Variants in SLC45A1 observed in about 807,000 individuals in gnomAD.
The protein encoded by SLC45A1 is solute carrier family 45 member 1.
Under a neutral mutation model 57.6 loss-of-function variants are expected in SLC45A1, and 28 were observed. That is an observed-to-expected ratio of 0.49 (90% CI 0.36 to 0.67). The LOEUF (loss-of-function observed/expected upper bound fraction) is 0.67. SLC45A1 is among the 30% of genes least tolerant of loss of function. SLC45A1 has a pLI of 0.00. For missense variants in SLC45A1, 814 were observed against 1,041.5 expected (o/e 0.78, Z 3.01); for synonymous variants, 459 against 471.5 (o/e 0.97, Z 0.34).
chr1:8,330,346 C>T lies in SLC45A1; in HGVS notation c.853C>T (p.Leu285=). ...VTLSVTTVLT[L]VSIPERPLRP... ...CCTGAGCGTCACCACCGTCCTGACCCTGGTCAGCATCCCTGAGAGGCCGCT... is the reference window on the plus strand; with the variant it reads ...CCTGAGCGTCACCACCGTCCTGACCTTGGTCAGCATCCCTGAGAGGCCGCT... Residue 285 remains leucine (L), a synonymous_variant, in exon 5 of 9, where the codon CTG becomes TTG. Coordinates refer to ENST00000471889, the MANE Select transcript of SLC45A1 (RefSeq NM_001080397.3). The surrounding 1 kb of genome is among the most constrained non-coding windows in gnomAD (Gnocchi z 8.4). 2 of 1,613,532 alleles carry T rather than the reference C, an allele frequency of 1.2e-6. No individual in the cohort carries two copies. Among genetic ancestry groups the T allele is most frequent in the Non-Finnish European group, 1.7e-6 (2 of 1,180,004 alleles).
rs756643150 is a variant in SLC45A1 at position 8,343,709 on chromosome 1, C to T, written c.1981-38C>T. 3.2e-6 allele frequency: 5 copies of T among 1,582,224 alleles called. No individual in the cohort carries two copies. Among genetic ancestry groups the T allele is most frequent in the Admixed American group, 3.4e-5 (2 of 59,088 alleles). On this transcript the variant is annotated intron_variant, in intron 8 of 8. Transcript: ENST00000471889. This position sits in a 1 kb window ranked among gnomAD's most constrained non-coding sequence, Gnocchi z 7.7. ...GAGCTCGGTCACCCCGTGCTGGCCG[C>T]GGCGTGTCTCGCTGACACGTTTCTT...
chr1:8,327,307 T>C lies in SLC45A1; in HGVS notation c.715+1265T>C, dbSNP rs1417181543. ...TACATACCTGTGGCATGCTTAATGG[T>C]GAAACAGGAGAAATGTTCCCATCAA... On this transcript the variant is annotated intron_variant, in intron 4 of 8. Transcript: ENST00000471889. The surrounding 1 kb of genome is among the most constrained non-coding windows in gnomAD (Gnocchi z 4.3). Among the ~76,000 whole-genome samples, 1 of 151,964 alleles carries C rather than the reference T, an allele frequency of 6.6e-6. No individual in the cohort carries two copies. Among genetic ancestry groups the C allele is most frequent in the Admixed American group, 6.6e-5 (1 of 15,264 alleles).
Position 8,324,290 on chromosome 1 carries a change from C to G in SLC45A1, c.-24-16C>G. 1 of 1,595,344 alleles carries G rather than the reference C, an allele frequency of 6.3e-7. No homozygotes were observed. The highest frequency in any genetic ancestry group is 2.2e-5 in the East Asian group (1 of 44,638). On this transcript the variant is annotated splice_polypyrimidine_tract_variant and intron_variant, in intron 1 of 8. Transcript: ENST00000471889. Reference sequence around the variant, plus strand: ...GGCAAAAGTAACTGTGGCCTCCCCACGGGCTTTCCTCACAGGGACGCCCAC... The same window carrying G: ...GGCAAAAGTAACTGTGGCCTCCCCAGGGGCTTTCCTCACAGGGACGCCCAC...
chr1:8,336,410 A>G (rs911644007), intron 6 of SLC45A1, among the ~76,000 whole-genome samples: 4 of 121,046 alleles, frequency 3.3e-5, no homozygotes, highest in African/African-American at 1.3e-4. Context: ...ACTCCATCTC[A>G]AAAAAAAAAA....
At chr1:8,337,579 T>C (rs3861749) in intron 6 of SLC45A1, among the ~76,000 whole-genome samples, 152,075 of 152,202 alleles carry the variant, frequency 1, 75,974 homozygotes, top group Middle Eastern at 1. Flanking sequence ...CCACCATGCC[T>C]GGCTAATTTT....
At chr1:8,339,467 C>T (rs757065703) in intron 7 of SLC45A1, 26 bp from the exon 8 acceptor site, 17 of 1,612,702 alleles carry the variant, frequency 1.1e-5, no homozygotes, top group Non-Finnish European at 1.4e-5. Context: ...CCGTGTGGCA[C>T]TGCTCACCCT....
chr1:8,324,867 A>G, intron 2 of SLC45A1, 141 bp downstream of exon 2: 2 of 816,106 alleles, frequency 2.5e-6, no homozygotes, highest in Admixed American at 3.0e-5. Context: ...TGGGGAACAC[A>G]GGTACCACCG....
intron 1 of SLC45A1, among the ~76,000 whole-genome samples, chr1:8,321,914 G>T (rs1640018682): frequency 6.9e-6 from 1 of 145,844 alleles, no homozygotes; most frequent in Non-Finnish European, 1.5e-5. Context: ...TGGATGGATG[G>T]ATGGATGGGT....
chr1:8,321,979 A>ATGGG (rs1364662003), intron 1 of SLC45A1, among the ~76,000 whole-genome samples: 12 of 73,470 alleles, frequency 1.6e-4, no homozygotes, highest in African/African-American at 4.9e-4. Context: ...GGATGAGTGG[A>ATGGG]TGGGTGGGTG....
rs1004883138 is a variant in SLC45A1 at position 8,330,538 on chromosome 1, G to A, written c.1045G>A (p.Gly349Ser). 6.2e-6 allele frequency: 10 copies of A among 1,613,300 alleles called. No individual in the cohort carries two copies. Among genetic ancestry groups the A allele is most frequent in the Non-Finnish European group, 7.6e-6 (9 of 1,179,964 alleles). ...GCCCAGCCCCCTCACGCCCAAGTAC[G>A]GCAGCTTCATCAGCAGGGACAGCTC... ...SPPSPLTPKY[G>S]SFISRDSSLT... Residue 349 changes from glycine (G) to serine (S), a missense_variant, in exon 5 of 9, where the codon GGC becomes AGC. Coordinates refer to ENST00000471889, the MANE Select transcript of SLC45A1 (RefSeq NM_001080397.3). This position sits in a 1 kb window ranked among gnomAD's most constrained non-coding sequence, Gnocchi z 8.4.
In SLC45A1 at chr1:8,324,310, G is replaced by C; in HGVS notation, c.-20G>C. On this transcript the variant is annotated 5_prime_UTR_variant, in exon 2 of 9. Transcript: ENST00000471889. ...CCCCACGGGCTTTCCTCACAGGGAC[G>C]CCCACCAGCCCTCCCCACGATGATC... 7 of 1,605,400 alleles carry C rather than the reference G, an allele frequency of 4.4e-6. No homozygotes were observed. Among genetic ancestry groups the C allele is most frequent in the Non-Finnish European group, 6.0e-6 (7 of 1,175,036 alleles).
At chr1:8,332,401 A>G (rs1640442722) in intron 5 of SLC45A1, among the ~76,000 whole-genome samples, 1 of 152,230 alleles carries the variant, frequency 6.6e-6, no homozygotes, top group South Asian at 2.1e-4. Context: ...CACGAAGGCC[A>G]AGAACCTTCT....
At chr1:8,341,529 C>T (rs533332289) in intron 8 of SLC45A1, among the ~76,000 whole-genome samples, 17 of 128,214 alleles carry the variant, frequency 1.3e-4, no homozygotes, top group African/African-American at 3.6e-4. Flanking sequence ...AGCGAGACTC[C>T]GTCTCAAAAA....
Position 8,325,378 on chromosome 1 carries a change from G to A in SLC45A1, c.478G>A (p.Val160Ile). The A allele has an allele frequency of 6.2e-7, 1 of 1,609,746 alleles. No individual in the cohort carries two copies. The highest frequency in any genetic ancestry group is 8.5e-7 in the Non-Finnish European group (1 of 1,176,550). Residue 160 changes from valine to isoleucine, a missense_variant, in exon 3 of 9, where the codon GTC becomes ATC. Physicochemically the swap from Val to Ile is conservative, Grantham distance 29. Coordinates refer to ENST00000471889, the MANE Select transcript of SLC45A1 (RefSeq NM_001080397.3). This position sits in a 1 kb window ranked among gnomAD's most constrained non-coding sequence, Gnocchi z 6.3. The stretch of plus-strand genomic sequence containing the variant: ...TGGAAGGAGACGCCCTTTCATTCTT[G>A]TCCTGGCTATAGGTCTGTTGTTTTG... ...RFGRRRPFIL[V>I]LAIGALLGLS...
At chr1:8,329,744 C>A (rs1032820414) in intron 4 of SLC45A1, among the ~76,000 whole-genome samples, 2 of 152,200 alleles carry the variant, frequency 1.3e-5, no homozygotes, top group African/African-American at 4.8e-5. Context: ...CTGTGGTCAC[C>A]ACAGGGGGCG....
intron 1 of SLC45A1, 117 bp downstream of exon 1, chr1:8,318,303 G>A (rs1639886847): frequency 2.5e-6 from 1 of 398,218 alleles, no homozygotes; most frequent in Non-Finnish European, 4.5e-6. Flanking sequence ...GGCCGGCACG[G>A]AGACCTTTGT....
rs1187155270 is a variant in SLC45A1, at chr1:8,335,545, A to G, written c.1552A>G (p.Asn518Asp). Residue 518 changes from asparagine to aspartate, a missense_variant, in exon 6 of 9, where the codon AAC becomes GAC. Physicochemically the swap from Asn to Asp is conservative, Grantham distance 23 (BLOSUM62 1). Transcript: ENST00000471889. This position sits in a 1 kb window ranked among gnomAD's most constrained non-coding sequence, Gnocchi z 4.1. ...SVGRLCSTICNMPKALRTLCV... is the reference protein window; with the variant it reads ...SVGRLCSTICDMPKALRTLCV... ...GGGGCGCCTCTGCTCCACCATCTGC[A>G]ACATGCCCAAGGCGCTACGCACCCT... The G allele has an allele frequency of 6.2e-7, 1 of 1,606,856 alleles. No homozygotes were observed. The highest frequency in any genetic ancestry group is 1.1e-5 in the South Asian group (1 of 91,046).
At position 8,339,662 on chromosome 1, in the gene SLC45A1, T is replaced by A; in HGVS notation, c.1944T>A (p.Pro648=). ...TATTTTCCACCCTGTGCACCTTGCC[T>A]TACTCGCTGCTCTGCGATTACTATC... ...GILFSTLCTL[P]YSLLCDYYQS... The change falls in exon 8 of 9, where the codon CCT becomes CCA. Residue 648 remains proline (P), a synonymous_variant. Coordinates refer to ENST00000471889, the MANE Select transcript of SLC45A1 (RefSeq NM_001080397.3). 1 of 1,614,232 alleles carries A rather than the reference T, an allele frequency of 6.2e-7. No individual in the cohort carries two copies. Among genetic ancestry groups the A allele is most frequent in the Non-Finnish European group, 8.5e-7 (1 of 1,180,042 alleles).
Position 8,326,823 on chromosome 1 carries a change from A to G in SLC45A1, c.715+781A>G, listed in dbSNP as rs1640216767. 6.6e-6 allele frequency among the ~76,000 whole-genome samples: 1 copy of G among 152,182 alleles called. No individual in the cohort carries two copies. Among genetic ancestry groups the G allele is most frequent in the Non-Finnish European group, 1.5e-5 (1 of 68,040 alleles). On this transcript the variant is annotated intron_variant, in intron 4 of 8. Transcript: ENST00000471889. This position sits in a 1 kb window ranked among gnomAD's most constrained non-coding sequence, Gnocchi z 5.5. ...GAGAAACGACATCTCTACTAAAAATACAAAAAATTAGCTGGGCGTGGTGGC... is the reference window on the plus strand; with the variant it reads ...GAGAAACGACATCTCTACTAAAAATGCAAAAAATTAGCTGGGCGTGGTGGC...
Sources: allele counts gnomAD v4.1 joint callset (sites outside exome capture counted in the v4.1 genomes callset), GRCh38; gene constraint gnomAD v4.1.1; non-coding constraint Gnocchi (gnomAD v3.1); transcripts MANE v1.5; gene names NCBI Gene and HGNC (gene_info 2026-07-23, HGNC 2026-07-21).